Variants in SEMA3B observed in about 807,000 individuals in gnomAD.
SEMA3B encodes the protein semaphorin 3B.
A neutral mutation model predicts 77.8 loss-of-function variants in SEMA3B; 71 were observed. The ratio of observed to expected loss-of-function variants is 0.91; its 90% confidence interval spans 0.75 to 1.11. SEMA3B has a LOEUF of 1.11. SEMA3B is among the 50% of genes most tolerant of loss of function. The probability of loss-of-function intolerance (pLI) is 0.00; values close to 1 mark genes in which losing one functional copy is unlikely to be tolerated. For synonymous variants in SEMA3B, 470 were observed against 452.9 expected (o/e 1.04, Z -0.48); for missense variants, 968 against 1,056.8 (o/e 0.92, Z 1.17).
chr3:50,266,740 TG>T (rs1284907775), upstream of SEMA3B: 2 of 152,300 alleles, frequency 1.3e-5, no homozygotes, highest in Admixed American at 6.5e-5. Context: ...ATGTTACAAA[TG>T]GGGCACGTTC....
In SEMA3B at chr3:50,271,420, C is replaced by A. The variant is rs782811714; in HGVS notation, c.604C>A (p.Arg202Ser). The change falls in exon 6 of 17, where the codon CGC becomes AGC. Residue 202 changes from arginine to serine, a missense_variant. Arg to Ser is a moderately radical substitution (Grantham distance 110, BLOSUM62 -1). Transcript: ENST00000616701. ...CATGGGACGAGACTTTACCATCTTT[C>A]GCAGCCTAGGGCAACGTCCAAGTCT... ...DLMGRDFTIF[R>S]SLGQRPSLRT... 1.3e-6 allele frequency: 2 copies of A among 1,589,998 alleles called. No homozygotes were observed. Among genetic ancestry groups the A allele is most frequent in the African/African-American group, 1.3e-5 (1 of 74,354 alleles).
chr3:50,263,286 C>G (rs1700854808), upstream of SEMA3B: 1 of 151,256 alleles, frequency 6.6e-6, no homozygotes, highest in Admixed American at 6.6e-5. Context: ...TAACTTGAAC[C>G]CAGGAGTTCA....
chr3:50,265,575 G>T (rs1553704336), upstream of SEMA3B, among the ~76,000 whole-genome samples: 1 of 152,248 alleles, frequency 6.6e-6, no homozygotes, highest in Non-Finnish European at 1.5e-5. Flanking sequence ...CCCAGAGCAA[G>T]GACCCAGGCA....
At chr3:50,260,778 C>G in the SEMA3B span, 1 of 152,452 alleles carries the variant, frequency 6.6e-6, no homozygotes, top group Admixed American at 6.5e-5. Context: ...GTGGGCCATG[C>G]GGGGCCTTGA....
chr3:50,271,798 A>G (rs1559786883), intron 6 of SEMA3B, among the ~76,000 whole-genome samples: 1 of 152,310 alleles, frequency 6.6e-6, no homozygotes, highest in East Asian at 1.9e-4. Flanking sequence ...GTATGAGCTA[A>G]TTCCCAAGCA....
chr3:50,270,810 G>A lies in SEMA3B; in HGVS notation c.331-80G>A. 3.3e-6 allele frequency: 5 copies of A among 1,538,000 alleles called. No homozygotes were observed. The highest frequency in any genetic ancestry group is 4.4e-6 in the Non-Finnish European group (5 of 1,137,970). On this transcript the variant is annotated intron_variant, in intron 3 of 16. Transcript: ENST00000616701. The surrounding 1 kb of genome is among the most constrained non-coding windows in gnomAD (Gnocchi z 4.7). ...CCTGGGCTGATGCCGAAGAGAGGGAGGGGTGAGGATGCCACTGGTGAGCTG... is the reference window on the plus strand; with the variant it reads ...CCTGGGCTGATGCCGAAGAGAGGGAAGGGTGAGGATGCCACTGGTGAGCTG...
In SEMA3B at chr3:50,276,500, C is replaced by T. The variant is rs781978775; in HGVS notation, c.2044C>T (p.Pro682Ser). ...GGCCGAGGAGGCTGCGCCCGCCGCG[C>T]CGCCGGGCCCCAAACTCTGGTACCG... is the stretch of plus-strand genomic sequence containing the variant. ...ARAEEAAPAAPPGPKLWYRDF... is the reference protein window; with the variant it reads ...ARAEEAAPAASPGPKLWYRDF... Residue 682 changes from proline to serine, a missense_variant, in exon 17 of 17, where the codon CCG becomes TCG. Physicochemically the swap from Pro to Ser is moderately conservative, Grantham distance 74. Transcript: ENST00000616701. This position sits in a 1 kb window ranked among gnomAD's most constrained non-coding sequence, Gnocchi z 5.8. 4.6e-6 allele frequency: 7 copies of T among 1,531,386 alleles called. No individual in the cohort carries two copies. Among genetic ancestry groups the T allele is most frequent in the Non-Finnish European group, 6.1e-6 (7 of 1,143,810 alleles). 94.9% of individuals were successfully genotyped at this position (1,531,386 alleles called of 1,614,324 possible). A position where few individuals can be genotyped will look rare whatever the true frequency, so the allele number is the denominator to read the frequency against.
chr3:50,273,911 A>G lies in SEMA3B; in HGVS notation c.993-2A>G, dbSNP rs201598754. On this transcript the variant is annotated splice_acceptor_variant, in intron 9 of 16. Transcript: ENST00000616701. LOFTEE classifies it high-confidence loss of function. This position sits in a 1 kb window ranked among gnomAD's most constrained non-coding sequence, Gnocchi z 6.5. Reference sequence around the variant, plus strand: ...TCACCTCGCCCTGGTCTTCGCCTCCAGCAGCATCTTCCAGGGCTCTGCGGT... The same window carrying G: ...TCACCTCGCCCTGGTCTTCGCCTCCGGCAGCATCTTCCAGGGCTCTGCGGT... The G allele has an allele frequency of 1.0e-3, 1,591 of 1,598,616 alleles. 20 individuals carry two copies. Among genetic ancestry groups the G allele is most frequent in the Non-Finnish European group, 2.2e-4 (263 of 1,169,484 alleles).
Position 50,270,290 on chromosome 3 carries a change from A to C in SEMA3B, c.267+6A>C. The stretch of plus-strand genomic sequence containing the variant: ...TCAGCAAGCGGGCCAAGAAGGTGCC[A>C]GGGACTCCCAACCCCAGCACTCCCC... On this transcript the variant is annotated splice_donor_region_variant and intron_variant, in intron 2 of 16. Transcript: ENST00000616701. This position sits in a 1 kb window ranked among gnomAD's most constrained non-coding sequence, Gnocchi z 4.7. The C allele has an allele frequency of 6.2e-7, 1 of 1,613,050 alleles. No homozygotes were observed. Among genetic ancestry groups the C allele is most frequent in the East Asian group, 2.2e-5 (1 of 44,862 alleles).
chr3:50,268,869 A>G, upstream of SEMA3B: 1 of 243,054 alleles, frequency 4.1e-6, no homozygotes, highest in Non-Finnish European at 8.1e-6. Flanking sequence ...CTAGGCTGGC[A>G]TGAAGTGGGT....
rs1701008437 is a variant in SEMA3B, at chr3:50,270,210, G to C, written c.193G>C (p.Gly65Arg). 1.9e-6 allele frequency: 3 copies of C among 1,609,492 alleles called. No homozygotes were observed. The highest frequency in any genetic ancestry group is 2.5e-6 in the Non-Finnish European group (3 of 1,178,384). The change falls in exon 2 of 17, where the codon GGA (glycine) becomes CGA (arginine). Residue 65 changes from glycine to arginine, a missense_variant. Transcript: ENST00000616701. This position sits in a 1 kb window ranked among gnomAD's most constrained non-coding sequence, Gnocchi z 4.7. ...GGCCTTGCTGGTGGATGAGGAGCGT[G>C]GACGCCTGTTTGTGGGTGCCGAGAA... ...YQALLVDEER[G>R]RLFVGAENHV...
chr3:50,266,983 G>A (rs587731953), upstream of SEMA3B: 2 of 152,706 alleles, frequency 1.3e-5, no homozygotes, highest in Admixed American at 1.3e-4. Context: ...GCGGACTCCA[G>A]ATGGGCCCCG....
chr3:50,268,711 A>AC (rs1700964960), upstream of SEMA3B, among the ~76,000 whole-genome samples: 1 of 152,154 alleles, frequency 6.6e-6, no homozygotes, highest in African/African-American at 2.4e-5. Flanking sequence ...CAGAGGCCTG[A>AC]CCCCCTCCTG....
At position 50,270,251 on chromosome 3, in the gene SEMA3B, C is replaced by T. The variant is rs1327676187; in HGVS notation, c.234C>T (p.Leu78=). The T allele has an allele frequency of 6.2e-7, 1 of 1,613,140 alleles. No homozygotes were observed. Among genetic ancestry groups the T allele is most frequent in the Non-Finnish European group, 8.5e-7 (1 of 1,179,662 alleles). Residue 78 remains leucine (L), a synonymous_variant, in exon 2 of 17, where the codon CTC becomes CTT. Transcript: ENST00000616701. The surrounding 1 kb of genome is among the most constrained non-coding windows in gnomAD (Gnocchi z 4.7). ...FVGAENHVAS[L]NLDNISKRAK... Reference sequence around the variant, plus strand: ...GTGCCGAGAACCATGTGGCCTCCCTCAACCTGGACAACATCAGCAAGCGGG... The same window carrying T: ...GTGCCGAGAACCATGTGGCCTCCCTTAACCTGGACAACATCAGCAAGCGGG...
In SEMA3B at chr3:50,273,679, G is replaced by T. The variant is rs1019676722; in HGVS notation, c.922+33G>T. On this transcript the variant is annotated intron_variant, in intron 8 of 16. Coordinates refer to ENST00000616701, the MANE Select transcript of SEMA3B (RefSeq NM_001290060.2). This position sits in a 1 kb window ranked among gnomAD's most constrained non-coding sequence, Gnocchi z 6.5. ...CGGGAGTGGGTATGGGGTTGGGGAG[G>T]GGGGCAGCGGCGCAGACTCCGGGAG... The T allele has an allele frequency of 3.7e-6, 6 of 1,603,640 alleles. No homozygotes were observed. In the East Asian group the frequency reaches 1.1e-4, roughly 30 times the overall value.
At chr3:50,267,189 C>G (rs113549492), upstream of SEMA3B, 1 of 152,324 alleles carries the variant, frequency 6.6e-6, no homozygotes, top group African/African-American at 2.4e-5. This position sits in a 1 kb window ranked among gnomAD's most constrained non-coding sequence, Gnocchi z 5.7. Context: ...AGAGCCCCTC[C>G]CCTGACCTCC....
Position 50,270,584 on chromosome 3 carries a change from C to T in SEMA3B, c.330+89C>T. On this transcript the variant is annotated intron_variant, in intron 3 of 16. Coordinates refer to ENST00000616701, the MANE Select transcript of SEMA3B (RefSeq NM_001290060.2). The surrounding 1 kb of genome is among the most constrained non-coding windows in gnomAD (Gnocchi z 4.7). Reference sequence around the variant, plus strand: ...GGGCTAAAACAGAGGCCTGCCTGTTCTGGCTGGGATGAGGGCAGGGAGGTC... The same window carrying T: ...GGGCTAAAACAGAGGCCTGCCTGTTTTGGCTGGGATGAGGGCAGGGAGGTC... 6.4e-7 allele frequency: 1 copy of T among 1,570,520 alleles called. No homozygotes were observed. Among genetic ancestry groups the T allele is most frequent in the Non-Finnish European group, 8.7e-7 (1 of 1,149,500 alleles).
At chr3:50,268,796 G>A (rs1327112112), upstream of SEMA3B, 2 of 177,140 alleles carry the variant, frequency 1.1e-5, no homozygotes, top group African/African-American at 2.4e-5. Flanking sequence ...ATTCCTTGTT[G>A]GCACTCTGTC....
intron 4 of SEMA3B, 22 bp downstream of exon 4, chr3:50,271,031 GA>G: frequency 6.3e-7 from 1 of 1,589,188 alleles, no homozygotes; most frequent in Non-Finnish European, 8.6e-7. Context: ...TCTAGGCAGG[GA>G]GGGAGGTCAG....
Sources: gnomAD v4.1 joint callset for allele counts (sites outside exome capture counted in the v4.1 genomes callset) on GRCh38, gnomAD v4.1.1 for gene constraint, Gnocchi (gnomAD v3.1) non-coding constraint, MANE v1.5 for transcripts, NCBI Gene and HGNC (gene_info 2026-07-23, HGNC 2026-07-21) for gene names.